The following VPS37A variants were observed in gnomAD, a reference collection of about 807,000 sequenced individuals.
The protein encoded by VPS37A is vacuolar protein sorting-associated protein 37A.
VPS37A carries 30 observed loss-of-function variants against 49.8 expected under a neutral mutation model. The ratio of observed to expected loss-of-function variants is 0.60; its 90% CI spans 0.45 to 0.82. The LOEUF is 0.82. VPS37A is among the 40% of genes least tolerant of loss of function. VPS37A has a pLI of 0.00. For missense variants in VPS37A, 593 were observed against 464.4 expected, an observed-to-expected ratio of 1.28 and a Z score of -2.55; for synonymous variants, 195 against 160.6, an observed-to-expected ratio of 1.21 and a Z score of -1.62.
chr8:17,264,242 A>G (rs1813243413), intron 1 of VPS37A, among the ~76,000 whole-genome samples: 1 of 152,186 alleles, frequency 6.6e-6, no homozygotes. Context: ...GTTAATCACT[A>G]AGATGCTCTA....
intron 1 of VPS37A, among the ~76,000 whole-genome samples, chr8:17,259,361 T>C (rs931227954): frequency 6.6e-6 from 1 of 152,160 alleles, no homozygotes; most frequent in Non-Finnish European, 1.5e-5. Flanking sequence ...ATGTTTAATT[T>C]CCACGTGGTT....
chr8:17,314,584 T>G, the VPS37A span, among the ~76,000 whole-genome samples: 1 of 152,142 alleles, frequency 6.6e-6, no homozygotes, highest in Non-Finnish European at 1.5e-5. Flanking sequence ...GATAAGAGGA[T>G]TCACTGTGAT....
downstream of VPS37A, chr8:17,300,237 TAAC>T (rs1817027787): frequency 6.3e-7 from 1 of 1,589,566 alleles, no homozygotes; most frequent in Non-Finnish European, 8.6e-7. Context: ...AAGAAAGAAA[TAAC>T]AATTTCAGGG....
chr8:17,274,500 A>C (rs534010106), intron 4 of VPS37A, among the ~76,000 whole-genome samples: 20 of 151,064 alleles, frequency 1.3e-4, no homozygotes, highest in African/African-American at 4.6e-4. Flanking sequence ...AGCACCCATC[A>C]TCTTCTTTGT....
rs548992389 is a variant in VPS37A, at chr8:17,254,294, G to A, written c.125+6925G>A. Among the ~76,000 whole-genome samples the A allele has an allele frequency of 2.6e-5, 4 of 152,294 alleles. No individual in the cohort carries two copies. In the South Asian group the frequency reaches 8.3e-4, roughly 32 times the overall value. The stretch of plus-strand genomic sequence containing the variant: ...GAAAAGGAGGCTTCCTGGGGAGTCA[G>A]TAGCTGTCATGGGGTTAGTAACTTC... On this transcript the variant is annotated intron_variant, in intron 1 of 11. Coordinates refer to ENST00000324849, the MANE Select transcript of VPS37A (RefSeq NM_152415.3).
the VPS37A span, among the ~76,000 whole-genome samples, chr8:17,321,842 CAT>C: frequency 6.6e-6 from 1 of 152,196 alleles, no homozygotes. Flanking sequence ...ATGTCACAAA[CAT>C]ATATAAACTA....
intron 1 of VPS37A, among the ~76,000 whole-genome samples, chr8:17,255,370 A>C (rs1812345703): frequency 6.6e-6 from 1 of 152,018 alleles, no homozygotes. Flanking sequence ...AATCCCAGCT[A>C]CTCGGGAGGC....
At chr8:17,322,708 C>A in the VPS37A span, among the ~76,000 whole-genome samples, 3 of 152,078 alleles carry the variant, frequency 2.0e-5, no homozygotes, top group East Asian at 5.8e-4. Context: ...GCCTGTAGTC[C>A]CAGATACTCA....
intron 1 of VPS37A, among the ~76,000 whole-genome samples, chr8:17,249,547 C>G (rs551654696): frequency 6.6e-6 from 1 of 152,290 alleles, no homozygotes; most frequent in Non-Finnish European, 1.5e-5. Context: ...TCCGGAGACA[C>G]TTAAGTAGGT....
At chr8:17,282,745 GACAC>G (rs149421072) in intron 9 of VPS37A, among the ~76,000 whole-genome samples, 4 of 149,992 alleles carry the variant, frequency 2.7e-5, no homozygotes, top group South Asian at 2.1e-4. Flanking sequence ...TTAAAAAAAA[GACAC>G]ACACACACAC....
downstream of VPS37A, among the ~76,000 whole-genome samples, chr8:17,300,983 A>G (rs964270301): frequency 6.6e-5 from 10 of 152,180 alleles, no homozygotes; most frequent in Admixed American, 6.5e-4. Context: ...ACAGTATTCC[A>G]TTACATGGAT....
chr8:17,328,730 G>T, the VPS37A span, among the ~76,000 whole-genome samples: 1 of 152,068 alleles, frequency 6.6e-6, no homozygotes, highest in Non-Finnish European at 1.5e-5. Flanking sequence ...AATAAAAAAA[G>T]AAAATACAGG....
chr8:17,273,558 G>A (rs530667100), intron 4 of VPS37A, among the ~76,000 whole-genome samples: 7 of 152,160 alleles, frequency 4.6e-5, no homozygotes, highest in Admixed American at 3.9e-4. Flanking sequence ...AGTAGAGACG[G>A]GGTTTCACCG....
downstream of VPS37A, among the ~76,000 whole-genome samples, chr8:17,304,782 TG>T (rs1174877093): frequency 6.6e-6 from 1 of 151,682 alleles, no homozygotes; most frequent in Non-Finnish European, 1.5e-5. Flanking sequence ...GCTGTTCTTT[TG>T]GGGGGAGTTT....
At chr8:17,307,260 AT>A (rs1473523826), downstream of VPS37A, among the ~76,000 whole-genome samples, 1 of 152,252 alleles carries the variant, frequency 6.6e-6, no homozygotes, top group Non-Finnish European at 1.5e-5. Flanking sequence ...GAAGACATTT[AT>A]GCAGCCAAAA....
At chr8:17,287,470 C>G (rs954638030) in intron 11 of VPS37A, among the ~76,000 whole-genome samples, 1 of 151,894 alleles carries the variant, frequency 6.6e-6, no homozygotes, top group Non-Finnish European at 1.5e-5. Flanking sequence ...GTCAAGAGAT[C>G]GAGACCATTC....
Position 17,250,699 on chromosome 8 carries a change from C to G in VPS37A, c.125+3330C>G, listed in dbSNP as rs190022049. Among the ~76,000 whole-genome samples the G allele has an allele frequency of 2.6e-5, 4 of 152,166 alleles. No homozygotes were observed. In the East Asian group the frequency reaches 7.7e-4, roughly 29 times the overall value. On this transcript the variant is annotated intron_variant, in intron 1 of 11. Coordinates refer to ENST00000324849, the MANE Select transcript of VPS37A (RefSeq NM_152415.3). ...CCACTTCAGCAGTCTCTTTTTGTCC[C>G]TTTCTCTAATGATTGTGAACTTTTT...
chr8:17,268,105 G>T (rs973299628), intron 2 of VPS37A, among the ~76,000 whole-genome samples, 153 bp from the exon 3 acceptor site: 19 of 152,172 alleles, frequency 1.2e-4, no homozygotes, highest in Non-Finnish European at 2.8e-4. Flanking sequence ...CATATTTTCA[G>T]ACAACACCAT....
intron 1 of VPS37A, among the ~76,000 whole-genome samples, chr8:17,250,871 T>A (rs1811913237): frequency 6.6e-6 from 1 of 152,232 alleles, no homozygotes; most frequent in South Asian, 2.1e-4. Context: ...GAAAAGTGTT[T>A]AACCAAAGTG....
Sources: allele counts gnomAD v4.1 joint callset (sites outside exome capture counted in the v4.1 genomes callset), GRCh38; gene constraint gnomAD v4.1.1; transcripts MANE v1.5; gene names NCBI Gene and HGNC (gene_info 2026-07-23, HGNC 2026-07-21).